The following ZYG11B variants were observed in gnomAD, a reference collection of about 807,000 sequenced individuals.
ZYG11B encodes protein zyg-11 homolog B.
ZYG11B carries 36 observed loss-of-function variants against 82.4 expected under a neutral mutation model. The observed-to-expected ratio is 0.44, with a 90% CI of 0.33 to 0.58. The LOEUF is 0.58. Ranked by LOEUF, ZYG11B falls within the 20% of genes least tolerant of loss-of-function variation. ZYG11B has a pLI of 0.02. For missense variants in ZYG11B, 552 were observed against 895.6 expected (o/e 0.62, Z 4.90); for synonymous variants, 303 against 312.8 (o/e 0.97, Z 0.33).
chr1:52,752,367 A>C (rs1644533470), intron 1 of ZYG11B, among the ~76,000 whole-genome samples: 1 of 151,972 alleles, frequency 6.6e-6, no homozygotes, highest in Admixed American at 6.6e-5. Flanking sequence ...AGCACACCCT[A>C]CCCCACCCCT....
chr1:52,778,313 C>T (rs898223636), intron 3 of ZYG11B, among the ~76,000 whole-genome samples: 1 of 152,098 alleles, frequency 6.6e-6, no homozygotes. Context: ...TTTGTAGAGA[C>T]AGGGTCTTGC....
chr1:52,776,062 CA>C, intron 3 of ZYG11B, among the ~76,000 whole-genome samples: 1 of 142,582 alleles, frequency 7.0e-6, no homozygotes, highest in Non-Finnish European at 1.6e-5. Context: ...CTAAAAATCC[CA>C]AAAAAATTAG....
chr1:52,732,369 T>C (rs576926534), intron 1 of ZYG11B, among the ~76,000 whole-genome samples: 24 of 152,230 alleles, frequency 1.6e-4, no homozygotes, highest in Non-Finnish European at 2.4e-4. Flanking sequence ...TAAAAGAAAA[T>C]TATATCTTGT....
chr1:52,759,093 A>G (rs1197945145), intron 2 of ZYG11B, among the ~76,000 whole-genome samples: 1 of 152,082 alleles, frequency 6.6e-6, no homozygotes, highest in East Asian at 1.9e-4. Context: ...CAACACGCCC[A>G]GCTAATTTTT....
intron 2 of ZYG11B, among the ~76,000 whole-genome samples, chr1:52,764,482 C>T (rs1644664220): frequency 6.6e-6 from 1 of 151,984 alleles, no homozygotes; most frequent in African/African-American, 2.4e-5. Flanking sequence ...TAAATCGGTC[C>T]TAGGTCTGAG....
intron 3 of ZYG11B, 152 bp from the exon 4 acceptor site, chr1:52,779,701 G>C (rs1194218606): frequency 1.3e-6 from 1 of 796,112 alleles, no homozygotes; most frequent in African/African-American, 1.8e-5. Flanking sequence ...TGTTGGCCAG[G>C]GTGGTCTCGA....
chr1:52,820,048 G>A (rs1432929222), intron 13 of ZYG11B, among the ~76,000 whole-genome samples: 1 of 150,870 alleles, frequency 6.6e-6, no homozygotes, highest in African/African-American at 2.4e-5. Context: ...CAAGTAGCTG[G>A]GACTATAGGC....
intron 8 of ZYG11B, among the ~76,000 whole-genome samples, chr1:52,798,447 C>A (rs1645046648): frequency 6.6e-6 from 1 of 152,058 alleles, no homozygotes; most frequent in Admixed American, 6.6e-5. Flanking sequence ...CCCATCTATA[C>A]AAATAATTTA....
At chr1:52,764,818 T>A (rs1644667261) in intron 2 of ZYG11B, among the ~76,000 whole-genome samples, 1 of 152,108 alleles carries the variant, frequency 6.6e-6, no homozygotes, top group Non-Finnish European at 1.5e-5. Context: ...GTGGTGATAC[T>A]AGACTGAGAC....
At chr1:52,765,014 C>T (rs1242503603) in intron 2 of ZYG11B, among the ~76,000 whole-genome samples, 3 of 151,846 alleles carry the variant, frequency 2.0e-5, no homozygotes, top group Non-Finnish European at 4.4e-5. Flanking sequence ...ATTCCCTTAA[C>T]TCCATGTAAA....
At chr1:52,732,437 A>G (rs543952413) in intron 1 of ZYG11B, among the ~76,000 whole-genome samples, 1 of 152,180 alleles carries the variant, frequency 6.6e-6, no homozygotes, top group East Asian at 1.9e-4. Flanking sequence ...ATTATTAGAC[A>G]TATAATTTAT....
intron 8 of ZYG11B, among the ~76,000 whole-genome samples, chr1:52,801,236 TATC>T (rs1645073581): frequency 6.6e-6 from 1 of 152,146 alleles, no homozygotes; most frequent in Admixed American, 6.6e-5. Flanking sequence ...GAGGGGCTAT[TATC>T]TTATTTATAG....
At chr1:52,821,383 G>A in intron 13 of ZYG11B, 56 bp from the exon 14 acceptor site, 1 of 1,490,246 alleles carries the variant, frequency 6.7e-7, no homozygotes, top group Non-Finnish European at 9.0e-7. Context: ...TAATTTTCAA[G>A]TGTTTTAAGA....
At chr1:52,773,873 G>A (rs1644779544) in intron 3 of ZYG11B, among the ~76,000 whole-genome samples, 1 of 151,042 alleles carries the variant, frequency 6.6e-6, no homozygotes, top group South Asian at 2.1e-4. Context: ...GAACTCCTGA[G>A]CTCAGGCAGT....
At position 52,726,550 on chromosome 1, in the gene ZYG11B, A is replaced by G. The variant is rs1305761051; in HGVS notation, c.-104A>G. On this transcript the variant is annotated 5_prime_UTR_variant, in exon 1 of 14. Coordinates refer to ENST00000294353, the MANE Select transcript of ZYG11B (RefSeq NM_024646.3). ...GGGAAAGAGGCCGAGGCCTGGGCCAAGCCCGGAGCCGCCGCTCGCCGGAGC... is the reference window on the plus strand; with the variant it reads ...GGGAAAGAGGCCGAGGCCTGGGCCAGGCCCGGAGCCGCCGCTCGCCGGAGC... 1.7e-6 allele frequency: 2 copies of G among 1,186,810 alleles called. No individual in the cohort carries two copies. Among genetic ancestry groups the G allele is most frequent in the South Asian group, 2.2e-5 (1 of 45,296 alleles). The allele number at this position is 1,186,810 out of a possible 1,614,324, so 73.5% of individuals were successfully genotyped here.
intron 1 of ZYG11B, among the ~76,000 whole-genome samples, chr1:52,744,451 C>A (rs1644460111): frequency 6.6e-6 from 1 of 152,208 alleles, no homozygotes; most frequent in South Asian, 2.1e-4. Flanking sequence ...CCCCACTCTA[C>A]ATAGGATAGA....
chr1:52,785,453 T>A (rs1448106139), intron 5 of ZYG11B, among the ~76,000 whole-genome samples: 3 of 152,084 alleles, frequency 2.0e-5, no homozygotes, highest in Non-Finnish European at 4.4e-5. Flanking sequence ...ATACTAAAAA[T>A]GTTGCTTAAT....
chr1:52,730,405 C>T (rs1644320734), intron 1 of ZYG11B, among the ~76,000 whole-genome samples: 1 of 152,046 alleles, frequency 6.6e-6, no homozygotes. Context: ...CGGCTCATTG[C>T]AGCCTCAAAC....
intron 5 of ZYG11B, among the ~76,000 whole-genome samples, chr1:52,786,590 A>G (rs945863595): frequency 2.4e-4 from 37 of 152,098 alleles, no homozygotes; most frequent in African/African-American, 8.9e-4. Context: ...CTCTACAGAT[A>G]ATAAAAAAAT....
Sources: gnomAD v4.1 joint callset for allele counts (sites outside exome capture counted in the v4.1 genomes callset) on GRCh38, gnomAD v4.1.1 for gene constraint, MANE v1.5 for transcripts, NCBI Gene and HGNC (gene_info 2026-07-23, HGNC 2026-07-21) for gene names.